The following NTRK3 variants were observed in gnomAD, a reference collection of about 807,000 sequenced individuals.
NTRK3 encodes neurotrophic receptor tyrosine kinase 3, also known as NT-3 growth factor receptor.
A neutral mutation model predicts 91.7 loss-of-function variants in NTRK3; 24 were observed. The observed-to-expected ratio is 0.26, with a 90% CI of 0.19 to 0.37. The LOEUF (loss-of-function observed/expected upper bound fraction) is 0.37. Among genes scored for constraint, NTRK3 ranks in the 10% least tolerant of loss-of-function variants. The pLI is 1.00. For synonymous variants in NTRK3, 483 were observed against 404.0 expected, an observed-to-expected ratio of 1.20 and a Z score of -2.34; for missense variants, 880 against 1,068.9, an observed-to-expected ratio of 0.82 and a Z score of 2.46.
chr15:88,085,611 CAGAAAAG>C (rs538439484), intron 13 of NTRK3, among the ~76,000 whole-genome samples: 3 of 152,164 alleles, frequency 2.0e-5, no homozygotes, highest in Non-Finnish European at 4.4e-5. Context: ...AAATGCTTGT[CAGAAAAG>C]ACTGAGTGGG....
intron 14 of NTRK3, among the ~76,000 whole-genome samples, chr15:88,010,873 A>G (rs1428890826): frequency 6.6e-6 from 1 of 152,036 alleles, no homozygotes; most frequent in Non-Finnish European, 1.5e-5. Context: ...CTGCCACCAC[A>G]TCATGCATTC....
chr15:88,116,321 A>G (rs2052062857), intron 13 of NTRK3, among the ~76,000 whole-genome samples: 1 of 152,164 alleles, frequency 6.6e-6, no homozygotes, highest in African/African-American at 2.4e-5. Flanking sequence ...GTGGTGGCTC[A>G]TGCCTATAAT....
chr15:87,974,163 T>G (rs1170354573), intron 14 of NTRK3, among the ~76,000 whole-genome samples: 1 of 152,156 alleles, frequency 6.6e-6, no homozygotes, highest in Non-Finnish European at 1.5e-5. Context: ...CACAGCCCAG[T>G]GCTGTGCTGC....
In NTRK3 at chr15:88,129,435, A is replaced by T. The variant is rs550569019; in HGVS notation, c.1205-701T>A. On this transcript the variant is annotated intron_variant, in intron 10 of 18. Coordinates refer to ENST00000394480, the Ensembl canonical transcript of NTRK3. ...ATAAGGAAACAGGCTTATACAGATT[A>T]AGTAACTAATTGGATGTCACTCATT... Among the ~76,000 whole-genome samples the T allele has an allele frequency of 2.6e-5, 4 of 152,344 alleles. No homozygotes were observed. In the East Asian group the frequency reaches 7.7e-4, roughly 29 times the overall value.
intron 6 of NTRK3, among the ~76,000 whole-genome samples, chr15:88,140,356 T>G (rs2042272493): frequency 6.6e-6 from 1 of 152,106 alleles, no homozygotes; most frequent in South Asian, 2.1e-4. Flanking sequence ...GAGGATAAAA[T>G]CCACTCTGTA....
At position 87,930,834 on chromosome 15, in the gene NTRK3, T is replaced by A. The variant is rs1249257118; in HGVS notation, c.1890-1400A>T. On this transcript the variant is annotated intron_variant, in intron 16 of 18. Coordinates refer to ENST00000394480, the Ensembl canonical transcript of NTRK3. ...GTGGAGGCTAAAGTTCAGATTTTGCTGCAAAATTGCCCCAGGAAGACTGTC... is the reference window on the plus strand; with the variant it reads ...GTGGAGGCTAAAGTTCAGATTTTGCAGCAAAATTGCCCCAGGAAGACTGTC... Among the ~76,000 whole-genome samples, 4 of 152,148 alleles carry A rather than the reference T, an allele frequency of 2.6e-5. 1 individual carries two copies. The highest frequency in any genetic ancestry group is 5.9e-5 in the Non-Finnish European group (4 of 68,008).
At chr15:88,217,925 A>T (rs987401670) in intron 3 of NTRK3, among the ~76,000 whole-genome samples, 26 of 151,612 alleles carry the variant, frequency 1.7e-4, no homozygotes, top group African/African-American at 5.6e-4. Flanking sequence ...CGTCCGGTTA[A>T]TTTTTTTTGT....
intron 14 of NTRK3, among the ~76,000 whole-genome samples, chr15:87,974,380 T>C (rs2073533942): frequency 1.3e-5 from 2 of 152,198 alleles, no homozygotes; most frequent in South Asian, 2.1e-4. Flanking sequence ...TTGAGGTGCG[T>C]TGAAGAAAGG....
intron 14 of NTRK3, among the ~76,000 whole-genome samples, chr15:88,026,404 T>G (rs1345180775): frequency 6.6e-6 from 1 of 152,226 alleles, no homozygotes; most frequent in East Asian, 1.9e-4. Context: ...CACACTATGA[T>G]TCCAACAATA....
At chr15:88,253,414 C>G (rs756615951) in intron 3 of NTRK3, 1 of 152,282 alleles carries the variant, frequency 6.6e-6, no homozygotes, top group Non-Finnish European at 1.5e-5. Context: ...GGGCAAGTGA[C>G]CTTACCACCC....
At chr15:87,903,008 G>A (rs534954147) in intron 17 of NTRK3, among the ~76,000 whole-genome samples, 5 of 152,208 alleles carry the variant, frequency 3.3e-5, no homozygotes, top group Non-Finnish European at 4.4e-5. Flanking sequence ...CTCTGAGACC[G>A]GTGTCTGAAC....
chr15:88,022,943 G>A (rs537052122), intron 14 of NTRK3, among the ~76,000 whole-genome samples: 3 of 152,268 alleles, frequency 2.0e-5, no homozygotes, highest in South Asian at 2.1e-4. Context: ...AGGTGGTCTC[G>A]GCCCAGGGAG....
intron 14 of NTRK3, among the ~76,000 whole-genome samples, chr15:88,000,193 C>T (rs1245725162): frequency 6.6e-6 from 1 of 152,156 alleles, no homozygotes; most frequent in Non-Finnish European, 1.5e-5. Context: ...TGTATATTCA[C>T]ACTCTTTGTT....
intron 17 of NTRK3, among the ~76,000 whole-genome samples, chr15:87,917,663 G>A (rs2067540509): frequency 6.6e-6 from 1 of 152,192 alleles, no homozygotes; most frequent in African/African-American, 2.4e-5. Context: ...GGATCCCTGA[G>A]GGAATGGCCT....
At chr15:88,089,792 G>A (rs2048847464) in intron 13 of NTRK3, among the ~76,000 whole-genome samples, 2 of 152,146 alleles carry the variant, frequency 1.3e-5, no homozygotes, top group South Asian at 4.1e-4. Context: ...GAAGCAGCCA[G>A]AGTGGCCCCT....
intron 15 of NTRK3, among the ~76,000 whole-genome samples, chr15:87,940,161 A>G (rs1429472434): frequency 6.6e-6 from 1 of 150,496 alleles, no homozygotes; most frequent in Non-Finnish European, 1.5e-5. Flanking sequence ...CCCCTCCCTC[A>G]ACATCTATTC....
rs1484401711 is a variant in NTRK3 at position 88,162,924 on chromosome 15, A to G, written c.396-15521T>C. Among the ~76,000 whole-genome samples, 9 of 152,294 alleles carry G rather than the reference A, an allele frequency of 5.9e-5. No homozygotes were observed. In the East Asian group the frequency reaches 1.7e-3, roughly 29 times the overall value. Reference sequence around the variant, plus strand: ...ACATGAGCAGTTGCTGCCTTGGTCCAGCACTGTGGCCACTCTGTTTGCCCA... The same window carrying G: ...ACATGAGCAGTTGCTGCCTTGGTCCGGCACTGTGGCCACTCTGTTTGCCCA... On this transcript the variant is annotated intron_variant, in intron 5 of 18. Transcript: ENST00000394480.
At chr15:88,256,098 C>A (rs746157259) in exon 3 of NTRK3, 7 of 1,612,554 alleles carry the variant, frequency 4.3e-6, no homozygotes, top group Non-Finnish European at 5.9e-6. Flanking sequence ...CCAGACGCTT[C>A]CCAGCAAGAA....
intron 3 of NTRK3, among the ~76,000 whole-genome samples, chr15:88,218,234 T>C (rs2049955526): frequency 6.6e-6 from 1 of 152,184 alleles, no homozygotes; most frequent in African/African-American, 2.4e-5. Context: ...ACCACTATGT[T>C]GAGGCCTCTG....
Sources: gnomAD v4.1 joint callset for allele counts (sites outside exome capture counted in the v4.1 genomes callset) on GRCh38, gnomAD v4.1.1 for gene constraint, MANE v1.5 for transcripts, NCBI Gene and HGNC (gene_info 2026-07-23, HGNC 2026-07-21) for gene names.